Variants in CAMKMT observed in about 807,000 individuals in gnomAD.
CAMKMT encodes the protein calmodulin-lysine N-methyltransferase.
A neutral mutation model predicts 48.0 loss-of-function variants in CAMKMT; 53 were observed. The observed-to-expected ratio is 1.10, with a 90% CI of 0.89 to 1.39. The LOEUF is 1.39. Ranked by LOEUF, CAMKMT falls within the 40% of genes most tolerant of loss-of-function variation. The probability of loss-of-function intolerance (pLI) is 0.00; values close to 1 mark genes in which losing one functional copy is unlikely to be tolerated. For synonymous variants in CAMKMT, 165 were observed against 152.3 expected (o/e 1.08, Z -0.61); for missense variants, 428 against 402.7 (o/e 1.06, Z -0.54).
intron 3 of CAMKMT, among the ~76,000 whole-genome samples, chr2:44,429,253 A>T (rs1684480629): frequency 7.4e-6 from 1 of 135,666 alleles, no homozygotes; most frequent in East Asian, 2.1e-4. Context: ...AGGAGGTTTT[A>T]TATATATGTG....
chr2:44,497,709 A>AAGAGAGAGAGAG lies in CAMKMT; in HGVS notation c.376+107427_376+107438dup, dbSNP rs70937918. Reference sequence around the variant, plus strand: ...GTAATTTAAAAAAATTAAGCAGGCAAAGAGAGAGAGAGAGAGAGAGAGAGA... The same window carrying AAGAGAGAGAGAG: ...GTAATTTAAAAAAATTAAGCAGGCAAAGAGAGAGAGAGAGAGAGAGAGAGAGAGAGAGAGAGA... On this transcript the variant is annotated intron_variant, in intron 3 of 10. Coordinates refer to ENST00000378494, the MANE Select transcript of CAMKMT (RefSeq NM_024766.5). Among the ~76,000 whole-genome samples the AAGAGAGAGAGAG allele has an allele frequency of 3.6e-3, 501 of 138,940 alleles. 3 individuals carry two copies. The highest frequency in any genetic ancestry group is 7.9e-3 in the Admixed American group (101 of 12,768). The allele number at this position is 138,940 out of a possible 152,430, so 91.2% of individuals were successfully genotyped here.
intron 3 of CAMKMT, among the ~76,000 whole-genome samples, chr2:44,398,445 A>G (rs1682054547): frequency 1.3e-5 from 2 of 152,172 alleles, no homozygotes; most frequent in Admixed American, 1.3e-4. Context: ...GTAGTTGACA[A>G]TCTAATGGAA....
intron 1 of CAMKMT, among the ~76,000 whole-genome samples, chr2:44,366,955 G>T (rs1250393997): frequency 6.6e-6 from 1 of 152,016 alleles, no homozygotes; most frequent in Non-Finnish European, 1.5e-5. Flanking sequence ...GAACTCCTGA[G>T]CTCAAGCAAT....
At chr2:44,628,540 T>C (rs1672625311) in intron 3 of CAMKMT, among the ~76,000 whole-genome samples, 1 of 151,650 alleles carries the variant, frequency 6.6e-6, no homozygotes, top group Non-Finnish European at 1.5e-5. Flanking sequence ...TTCAAACCTT[T>C]TTTTCTAAGT....
intron 3 of CAMKMT, among the ~76,000 whole-genome samples, chr2:44,511,130 T>C (rs183284501): frequency 0.015 from 2,202 of 151,166 alleles, 50 homozygotes; most frequent in African/African-American, 0.051. Flanking sequence ...CGTGAGCCAC[T>C]GTGCCTGGCC....
At chr2:44,705,998 T>C (rs1015908880) in intron 4 of CAMKMT, among the ~76,000 whole-genome samples, 1 of 152,190 alleles carries the variant, frequency 6.6e-6, no homozygotes, top group Non-Finnish European at 1.5e-5. Context: ...GACAGCGCCA[T>C]TGACAAGGGA....
chr2:44,493,601 A>T (rs896835319), intron 3 of CAMKMT, among the ~76,000 whole-genome samples: 11 of 152,194 alleles, frequency 7.2e-5, no homozygotes, highest in African/African-American at 2.7e-4. Flanking sequence ...CAAGTTGATA[A>T]AGACATTTTT....
At chr2:44,492,543 A>G (rs1393216078) in intron 3 of CAMKMT, among the ~76,000 whole-genome samples, 3 of 152,170 alleles carry the variant, frequency 2.0e-5, no homozygotes, top group African/African-American at 4.8e-5. Context: ...TGCATCTGAG[A>G]GTGCGTTTGC....
intron 3 of CAMKMT, among the ~76,000 whole-genome samples, chr2:44,693,250 G>A (rs1221441191): frequency 3.9e-5 from 6 of 152,110 alleles, no homozygotes; most frequent in African/African-American, 1.2e-4. Context: ...TATAAATCTG[G>A]TCATACCACG....
intron 3 of CAMKMT, among the ~76,000 whole-genome samples, chr2:44,656,524 C>A (rs1217500198): frequency 6.6e-6 from 1 of 152,040 alleles, no homozygotes; most frequent in Admixed American, 6.6e-5. Flanking sequence ...AATTCTGGGC[C>A]ATGGCTACAT....
At chr2:44,494,190 C>G (rs1041528133) in intron 3 of CAMKMT, among the ~76,000 whole-genome samples, 1 of 152,180 alleles carries the variant, frequency 6.6e-6, no homozygotes, top group Non-Finnish European at 1.5e-5. Context: ...CAGAAACCCT[C>G]GCTCAAAACA....
At chr2:44,581,446 G>A (rs1042595824) in intron 3 of CAMKMT, among the ~76,000 whole-genome samples, 16 of 152,268 alleles carry the variant, frequency 1.1e-4, no homozygotes, top group African/African-American at 3.1e-4. Context: ...CTACTGCTCT[G>A]TCTTATTAGG....
chr2:44,473,908 A>G (rs1304160699), intron 3 of CAMKMT, among the ~76,000 whole-genome samples: 1 of 152,126 alleles, frequency 6.6e-6, no homozygotes, highest in Admixed American at 6.5e-5. Flanking sequence ...CAATCCGTAA[A>G]CTGGGACCAG....
chr2:44,531,351 C>T (rs575722703), intron 3 of CAMKMT, among the ~76,000 whole-genome samples: 3 of 151,976 alleles, frequency 2.0e-5, no homozygotes, highest in South Asian at 2.1e-4. Flanking sequence ...AAAAATTGTC[C>T]TCTTTAATAT....
At position 44,578,381 on chromosome 2, in the gene CAMKMT, C is replaced by G. The variant is rs188148367; in HGVS notation, c.377-125902C>G. Reference sequence around the variant, plus strand: ...AGTGAACATGATATTTTAAATTTTGCTGTCACATAATTATGCTGCTGCTTT... The same window carrying G: ...AGTGAACATGATATTTTAAATTTTGGTGTCACATAATTATGCTGCTGCTTT... On this transcript the variant is annotated intron_variant, in intron 3 of 10. Coordinates refer to ENST00000378494, the MANE Select transcript of CAMKMT (RefSeq NM_024766.5). Among the ~76,000 whole-genome samples, 186 of 152,254 alleles carry G rather than the reference C, an allele frequency of 1.2e-3. 3 individuals are homozygous for G. Among genetic ancestry groups the G allele is most frequent in the Non-Finnish European group, 2.1e-4 (14 of 68,016 alleles).
chr2:44,446,727 C>A (rs776312555), intron 3 of CAMKMT, among the ~76,000 whole-genome samples: 1 of 152,214 alleles, frequency 6.6e-6, no homozygotes, highest in East Asian at 1.9e-4. Context: ...ACACTGTATA[C>A]CTTGTTGTGC....
At chr2:44,511,311 C>T (rs764499085) in intron 3 of CAMKMT, among the ~76,000 whole-genome samples, 22 of 152,154 alleles carry the variant, frequency 1.4e-4, no homozygotes, top group Non-Finnish European at 2.4e-4. Flanking sequence ...TTTTTTAAGA[C>T]GGAGTCTTGC....
At chr2:44,733,219 C>T (rs575080639) in intron 7 of CAMKMT, among the ~76,000 whole-genome samples, 6 of 152,114 alleles carry the variant, frequency 3.9e-5, no homozygotes, top group South Asian at 4.1e-4. Context: ...TATTTAATTT[C>T]TCTCATCCAT....
At chr2:44,672,790 T>C (rs1367425177) in intron 3 of CAMKMT, among the ~76,000 whole-genome samples, 1 of 152,162 alleles carries the variant, frequency 6.6e-6, no homozygotes, top group Non-Finnish European at 1.5e-5. Context: ...CTGTAAGATG[T>C]ACAAGTACCT....
Sources: allele counts gnomAD v4.1 joint callset (sites outside exome capture counted in the v4.1 genomes callset), GRCh38; gene constraint gnomAD v4.1.1; transcripts MANE v1.5; gene names NCBI Gene and HGNC (gene_info 2026-07-23, HGNC 2026-07-21).